ACTR3: variants seen among roughly 807,000 people sequenced by gnomAD.
The protein encoded by ACTR3 is actin related protein 3, also known as actin-related protein 3.
ACTR3 carries 12 observed loss-of-function variants against 56.8 expected under a neutral mutation model. The ratio of observed to expected loss-of-function variants is 0.21; its 90% CI spans 0.14 to 0.34. The LOEUF (loss-of-function observed/expected upper bound fraction) is 0.34. Ranked by LOEUF, ACTR3 falls within the 10% of genes least tolerant of loss-of-function variation. The probability of loss-of-function intolerance (pLI) is 1.00; values close to 1 mark genes in which losing one functional copy is unlikely to be tolerated. For missense variants in ACTR3, 282 were observed against 512.5 expected, an observed-to-expected ratio of 0.55 and a Z score of 4.34; for synonymous variants, 162 against 167.4, an observed-to-expected ratio of 0.97 and a Z score of 0.25.
intron 6 of ACTR3, among the ~76,000 whole-genome samples, chr2:113,938,411 T>C (rs1405502996): frequency 6.7e-6 from 1 of 149,936 alleles, no homozygotes; most frequent in Non-Finnish European, 1.5e-5. Flanking sequence ...TTTGGAGTTC[T>C]TTATAAGTAT....
intron 5 of ACTR3, among the ~76,000 whole-genome samples, chr2:113,932,451 A>G (rs142013698): frequency 2.6e-5 from 4 of 152,284 alleles, no homozygotes; most frequent in African/African-American, 9.6e-5. Context: ...GGTAAAGCTT[A>G]CTTTAAAACA....
Position 113,927,337 on chromosome 2 carries a change from T to C in ACTR3, c.226-8T>C. On this transcript the variant is annotated splice_polypyrimidine_tract_variant and splice_region_variant and intron_variant, in intron 3 of 11. Transcript: ENST00000263238. ...ATTTAATTTGTATTTCCCTTTTTGT[T>C]TTAATAGTGGCCAATCCGCCATGGT... 6.5e-7 allele frequency: 1 copy of C among 1,534,130 alleles called. No individual in the cohort carries two copies. The highest frequency in any genetic ancestry group is 8.8e-7 in the Non-Finnish European group (1 of 1,141,022).
At chr2:113,890,600 T>A in intron 1 of ACTR3, 3 of 1,319,960 alleles carry the variant, frequency 2.3e-6, no homozygotes, top group Non-Finnish European at 2.9e-6. Context: ...CTTCCCCCAC[T>A]ACGGTGGGCA....
At chr2:113,935,527 C>T (rs754637297) in intron 6 of ACTR3, among the ~76,000 whole-genome samples, 5 of 152,110 alleles carry the variant, frequency 3.3e-5, no homozygotes, top group South Asian at 2.1e-4. Flanking sequence ...TGTTTTAGCA[C>T]GTATAGTATT....
intron 2 of ACTR3, among the ~76,000 whole-genome samples, chr2:113,915,679 A>G (rs1679391552): frequency 6.6e-6 from 1 of 152,296 alleles, no homozygotes; most frequent in African/African-American, 2.4e-5. Context: ...TTTTTGTTGG[A>G]GGCCTATATA....
chr2:113,928,691 G>A (rs938147120), intron 4 of ACTR3, among the ~76,000 whole-genome samples: 2 of 89,120 alleles, frequency 2.2e-5, no homozygotes, highest in Admixed American at 1.5e-4. Context: ...AGGTATGTCT[G>A]TGTTCCAATA....
intron 6 of ACTR3, 91 bp from the exon 7 acceptor site, chr2:113,939,868 A>T: frequency 8.4e-7 from 1 of 1,188,388 alleles, no homozygotes; most frequent in Non-Finnish European, 1.2e-6. Flanking sequence ...ACACTAACTT[A>T]ATAAATTGGT....
chr2:113,927,759 A>G (rs1457328299), intron 4 of ACTR3, among the ~76,000 whole-genome samples: 1 of 152,182 alleles, frequency 6.6e-6, no homozygotes, highest in African/African-American at 2.4e-5. Flanking sequence ...TTGCTTAAAA[A>G]ACAATAGTCT....
At chr2:113,900,709 A>G (rs1198935061) in intron 1 of ACTR3, among the ~76,000 whole-genome samples, 1 of 152,194 alleles carries the variant, frequency 6.6e-6, no homozygotes, top group Non-Finnish European at 1.5e-5. Context: ...TAAATGGTGG[A>G]ACAAGCATTC....
chr2:113,901,914 A>G (rs1679107253), intron 1 of ACTR3, among the ~76,000 whole-genome samples: 1 of 152,234 alleles, frequency 6.6e-6, no homozygotes, highest in Non-Finnish European at 1.5e-5. Context: ...TAAAATTAAA[A>G]ATAATATCCA....
chr2:113,895,699 A>G (rs188241230), intron 1 of ACTR3, among the ~76,000 whole-genome samples: 1 of 152,238 alleles, frequency 6.6e-6, no homozygotes, highest in Admixed American at 6.5e-5. Flanking sequence ...TCTGGCAGTT[A>G]TATTTCGTGT....
rs2104638213 is a variant in ACTR3, at chr2:113,960,546, T to G, written c.*3091T>G. The stretch of plus-strand genomic sequence containing the variant: ...GATAACCCTAAAGATGATACTAGAA[T>G]GTTTATAAAATTATTGAGAAGATTA... On this transcript the variant is annotated 3_prime_UTR_variant, in exon 12 of 12. Transcript: ENST00000263238. 6.6e-6 allele frequency: 1 copy of G among 152,160 alleles called. No homozygotes were observed. The highest frequency in any genetic ancestry group is 1.5e-5 in the Non-Finnish European group (1 of 67,918). The allele number at this position is 152,160 out of a possible 1,614,324, so 9.4% of individuals were successfully genotyped here.
intron 5 of ACTR3, among the ~76,000 whole-genome samples, chr2:113,933,456 C>T (rs932029274): frequency 2.0e-5 from 3 of 151,860 alleles, no homozygotes; most frequent in African/African-American, 4.8e-5. Flanking sequence ...TGCGGTGAGC[C>T]GAGATCGTGC....
intron 8 of ACTR3, among the ~76,000 whole-genome samples, chr2:113,946,013 A>T (rs1680013441): frequency 6.6e-6 from 1 of 152,156 alleles, no homozygotes; most frequent in African/African-American, 2.4e-5. Context: ...CATGGTGTAT[A>T]TGTACCACAT....
chr2:113,896,656 A>C (rs1382877752), intron 1 of ACTR3, among the ~76,000 whole-genome samples: 1 of 152,222 alleles, frequency 6.6e-6, no homozygotes, highest in Non-Finnish European at 1.5e-5. Context: ...TGTTAACTGA[A>C]GCTAATAAGA....
chr2:113,942,489 A>G (rs1679941621), intron 8 of ACTR3, 130 bp downstream of exon 8: 1 of 628,172 alleles, frequency 1.6e-6, no homozygotes, highest in Admixed American at 4.3e-5. Context: ...AAAAGTTTAT[A>G]AAACATTTTA....
chr2:113,889,974 G>C (rs1504044), upstream of ACTR3: 3,638 of 531,962 alleles, frequency 6.8e-3, 38 homozygotes, highest in South Asian at 0.024. Flanking sequence ...TGGCTTCCCG[G>C]GGAAAGGCGG....
chr2:113,924,096 C>T (rs1679572582), intron 3 of ACTR3, among the ~76,000 whole-genome samples: 1 of 150,074 alleles, frequency 6.7e-6, no homozygotes, highest in South Asian at 2.1e-4. Context: ...GCCCTGTTGC[C>T]CATGTTGGAA....
At chr2:113,905,506 A>G (rs1679176606) in intron 1 of ACTR3, among the ~76,000 whole-genome samples, 1 of 152,024 alleles carries the variant, frequency 6.6e-6, no homozygotes, top group African/African-American at 2.4e-5. Flanking sequence ...TAATACTCAT[A>G]AAGTTTACTG....
Sources: allele counts gnomAD v4.1 joint callset (sites outside exome capture counted in the v4.1 genomes callset), GRCh38; gene constraint gnomAD v4.1.1; transcripts MANE v1.5; gene names NCBI Gene and HGNC (gene_info 2026-07-23, HGNC 2026-07-21).